The following RPL37 variants were observed in gnomAD, a reference collection of about 807,000 sequenced individuals.
RPL37 encodes the protein large ribosomal subunit protein eL37.
A neutral mutation model predicts 14.8 loss-of-function variants in RPL37; 1 was observed. The ratio of observed to expected loss-of-function variants is 0.07; its 90% CI spans 0.02 to 0.32. RPL37 has a LOEUF of 0.32. Among genes scored for constraint, RPL37 ranks in the 10% least tolerant of loss-of-function variants. The pLI, the probability that RPL37 is intolerant of heterozygous loss-of-function variation, is 1.00. For missense variants in RPL37, 100 were observed against 128.3 expected, an observed-to-expected ratio of 0.78 and a Z score of 1.06; for synonymous variants, 53 against 45.8, an observed-to-expected ratio of 1.16 and a Z score of -0.63.
In RPL37 at chr5:40,832,110, C is replaced by T; in HGVS notation, c.*394G>A. On this transcript the variant is annotated 3_prime_UTR_variant, in exon 4 of 4. Coordinates refer to ENST00000274242, the MANE Select transcript of RPL37 (RefSeq NM_000997.5). The stretch of plus-strand genomic sequence containing the variant: ...GCTCTATGTGACTAATAATCATCCC[C>T]CTAGTCATGACAGCATAGCAGATGA... 4.7e-6 allele frequency: 1 copy of T among 213,328 alleles called. No individual in the cohort carries two copies. Among genetic ancestry groups the T allele is most frequent in the Non-Finnish European group, 9.9e-6 (1 of 101,426 alleles). 13.2% of individuals were successfully genotyped at this position (213,328 alleles called of 1,614,324 possible). A position where few individuals can be genotyped will look rare whatever the true frequency, so the allele number is the denominator to read the frequency against.
chr5:40,832,955 TG>T (rs1337766639), intron 3 of RPL37, among the ~76,000 whole-genome samples: 1 of 152,272 alleles, frequency 6.6e-6, no homozygotes, highest in Non-Finnish European at 1.5e-5. Context: ...GCATGTTTAA[TG>T]GCAGACATTT....
At position 40,833,118 on chromosome 5, in the gene RPL37, A is replaced by G. The variant is rs564329855; in HGVS notation, c.225-545T>C. Among the ~76,000 whole-genome samples, 13 of 152,328 alleles carry G rather than the reference A, an allele frequency of 8.5e-5. No individual in the cohort carries two copies. The East Asian group carries it at 2.3e-3, about 27-fold the overall frequency. ...ATATTGTACTAACAGACCACTCAAC[A>G]TTAAGCCCACAAAAACGTTATGACC... On this transcript the variant is annotated intron_variant, in intron 3 of 3. Transcript: ENST00000274242.
intron 3 of RPL37, 198 bp from the exon 4 acceptor site, chr5:40,832,771 G>A (rs762705641): frequency 4.2e-5 from 29 of 695,376 alleles, no homozygotes; most frequent in South Asian, 2.4e-4. Context: ...ACCCATTTTC[G>A]GATATAGTTA....
Position 40,827,737 on chromosome 5 carries a change from T to C in RPL37, c.*4767A>G, listed in dbSNP as rs1251149792. 1 of 150,930 alleles carries C rather than the reference T, an allele frequency of 6.6e-6. No individual in the cohort carries two copies. Among genetic ancestry groups the C allele is most frequent in the Non-Finnish European group, 1.5e-5 (1 of 67,168 alleles). The allele number at this position is 150,930 out of a possible 1,614,324, so 9.3% of individuals were successfully genotyped here. A position where few individuals can be genotyped will look rare whatever the true frequency, so the allele number is the denominator to read the frequency against. On this transcript the variant is annotated 3_prime_UTR_variant, in exon 4 of 4. Coordinates refer to ENST00000274242, the MANE Select transcript of RPL37 (RefSeq NM_000997.5). ...GCTTAAGTCCTTCCTTTATCCTTTT[T>C]TTTTTTTGAGATGGAGTCTCGCTCT...
At chr5:40,834,845 A>G (rs1437490607) in intron 1 of RPL37, among the ~76,000 whole-genome samples, 1 of 152,234 alleles carries the variant, frequency 6.6e-6, no homozygotes, top group Non-Finnish European at 1.5e-5. Flanking sequence ...CTCCGGCCAG[A>G]GAGCATCACC....
rs1465780763 is a variant in RPL37, at chr5:40,826,317, G to T, written c.*6187C>A. ...CACAACCCAAAGAAAACATATCCAA[G>T]AACGTGGTCAGTTTTCAGTTTTTAT... On this transcript the variant is annotated 3_prime_UTR_variant, in exon 4 of 4. Coordinates refer to ENST00000274242, the MANE Select transcript of RPL37 (RefSeq NM_000997.5). 4 of 152,098 alleles carry T rather than the reference G, an allele frequency of 2.6e-5. No homozygotes were observed. The highest frequency in any genetic ancestry group is 5.9e-5 in the Non-Finnish European group (4 of 68,034). 9.4% of individuals were successfully genotyped at this position (152,098 alleles called of 1,614,324 possible). A position where few individuals can be genotyped will look rare whatever the true frequency, so the allele number is the denominator to read the frequency against.
In RPL37 at chr5:40,832,517, G is replaced by C; in HGVS notation, c.281C>G (p.Ser94Cys). Reference sequence around the variant, plus strand: ...TCGTTGACATTCTTAAGATGAACTGGATGCTGCAACAGCTGCCCTCTTGGG... The same window carrying C: ...TCGTTGACATTCTTAAGATGAACTGCATGCTGCAACAGCTGCCCTCTTGGG... ...PKPKRAAVAASSSS is the reference protein window; with the variant it reads ...PKPKRAAVAACSSS Residue 94 changes from serine to cysteine, a missense_variant, in exon 4 of 4, where the codon TCC becomes TGC. By Grantham distance (112) the Ser-to-Cys change is moderately radical. This residue lies in a region of RPL37 where 74 missense variants were observed against 69.9 expected (regional missense o/e 1.06). Transcript: ENST00000274242. 6.2e-7 allele frequency: 1 copy of C among 1,613,516 alleles called. No individual in the cohort carries two copies. The highest frequency in any genetic ancestry group is 1.1e-5 in the South Asian group (1 of 91,038).
Position 40,825,306 on chromosome 5 carries a change from ACT to A in RPL37, c.*7196_*7197del, listed in dbSNP as rs1317846573. 2.0e-5 allele frequency: 3 copies of A among 152,240 alleles called. No individual in the cohort carries two copies. The highest frequency in any genetic ancestry group is 2.1e-4 in the South Asian group (1 of 4,838). The allele number at this position is 152,240 out of a possible 1,614,324, so 9.4% of individuals were successfully genotyped here. On this transcript the variant is annotated 3_prime_UTR_variant, in exon 4 of 4. Coordinates refer to ENST00000274242, the MANE Select transcript of RPL37 (RefSeq NM_000997.5). ...TATTAAAGAAATGCATTCCAGCAAC[ACT>A]GTCAGCATCTTTATTACCAAAGAAA...
rs1306428758 is a variant in RPL37 at position 40,829,805 on chromosome 5, T to G, written c.*2699A>C. On this transcript the variant is annotated 3_prime_UTR_variant, in exon 4 of 4. Coordinates refer to ENST00000274242, the MANE Select transcript of RPL37 (RefSeq NM_000997.5). ...CTCCTGCCTCAGCCTCCCTAGTAGC[T>G]GGGATTACAGGCATGCACCACCACG... is the stretch of plus-strand genomic sequence containing the variant. 1.3e-5 allele frequency: 2 copies of G among 152,020 alleles called. No individual in the cohort carries two copies. The allele number at this position is 152,020 out of a possible 1,614,324, so 9.4% of individuals were successfully genotyped here.
At chr5:40,832,752 C>A (rs891544387) in intron 3 of RPL37, 179 bp from the exon 4 acceptor site, 1 of 733,822 alleles carries the variant, frequency 1.4e-6, no homozygotes, top group Non-Finnish European at 2.6e-6. Context: ...CTTCACTTTG[C>A]TTAAAGATAC....
chr5:40,835,152 G>C (rs367646938), intron 1 of RPL37, 31 bp downstream of exon 1: 41 of 1,613,864 alleles, frequency 2.5e-5, no homozygotes, highest in Non-Finnish European at 3.3e-5. Flanking sequence ...AGGATGGAAC[G>C]CGATTCACAA....
chr5:40,828,282 A>G lies in RPL37; in HGVS notation c.*4222T>C, dbSNP rs1266348109. 6.6e-6 allele frequency: 1 copy of G among 152,184 alleles called. No individual in the cohort carries two copies. Among genetic ancestry groups the G allele is most frequent in the Non-Finnish European group, 1.5e-5 (1 of 68,044 alleles). The allele number at this position is 152,184 out of a possible 1,614,324, so 9.4% of individuals were successfully genotyped here. ...CGCTCGTGGTATCCTTGTCTTACAC[A>G]CTTATCACTATCTGCAATTGTCTAT... is the stretch of plus-strand genomic sequence containing the variant. On this transcript the variant is annotated 3_prime_UTR_variant, in exon 4 of 4. Coordinates refer to ENST00000274242, the MANE Select transcript of RPL37 (RefSeq NM_000997.5).
intron 3 of RPL37, among the ~76,000 whole-genome samples, chr5:40,833,133 A>G (rs1745678584): frequency 6.6e-6 from 1 of 152,180 alleles, no homozygotes; most frequent in Non-Finnish European, 1.5e-5. Context: ...GCCCACAAAA[A>G]CGTTATGACC....
In RPL37 at chr5:40,831,840, C is replaced by T. The variant is rs29763; in HGVS notation, c.*664G>A. 2 of 152,446 alleles carry T rather than the reference C, an allele frequency of 1.3e-5. No homozygotes were observed. The highest frequency in any genetic ancestry group is 2.9e-5 in the Non-Finnish European group (2 of 68,144). The allele number at this position is 152,446 out of a possible 1,614,324, so 9.4% of individuals were successfully genotyped here. ...TAGTCTACAAATCTCAGGGATTATA[C>T]TTGATTTTCCTTTATTTCCTGCTCA... On this transcript the variant is annotated 3_prime_UTR_variant, in exon 4 of 4. Coordinates refer to ENST00000274242, the MANE Select transcript of RPL37 (RefSeq NM_000997.5).
Position 40,835,193 on chromosome 5 carries a change from C to G in RPL37, c.-8G>C, listed in dbSNP as rs1745739439. On this transcript the variant is annotated 5_prime_UTR_variant, in exon 1 of 4. Coordinates refer to ENST00000274242, the MANE Select transcript of RPL37 (RefSeq NM_000997.5). ...ACAGTCACAACTCACCATCTCGCTT[C>G]TGCGGCCGAGACCAGAAAGACCGGA... is the stretch of plus-strand genomic sequence containing the variant. The G allele has an allele frequency of 6.2e-7, 1 of 1,614,044 alleles. No individual in the cohort carries two copies. Among genetic ancestry groups the G allele is most frequent in the South Asian group, 1.1e-5 (1 of 91,086 alleles).
intron 1 of RPL37, among the ~76,000 whole-genome samples, 161 bp from the exon 2 acceptor site, chr5:40,834,767 G>C (rs967357227): frequency 1.5e-4 from 23 of 152,140 alleles, no homozygotes; most frequent in African/African-American, 4.8e-4. Context: ...ACCACTACCC[G>C]CATTTCACGT....
rs1188717477 is a variant in RPL37, at chr5:40,826,068, CTGT to C, written c.*6433_*6435del. On this transcript the variant is annotated 3_prime_UTR_variant, in exon 4 of 4. Coordinates refer to ENST00000274242, the MANE Select transcript of RPL37 (RefSeq NM_000997.5). ...TGAGGAAGCTGGCCTTTCTCCTGTA[CTGT>C]TTTACCAGTTGTCTTTTTAAAAAAT... 6.6e-6 allele frequency: 1 copy of C among 152,226 alleles called. No homozygotes were observed. Among genetic ancestry groups the C allele is most frequent in the Non-Finnish European group, 1.5e-5 (1 of 68,046 alleles). 9.4% of individuals were successfully genotyped at this position (152,226 alleles called of 1,614,324 possible).
In RPL37 at chr5:40,831,988, G is replaced by A. The variant is rs1745649776; in HGVS notation, c.*516C>T. On this transcript the variant is annotated 3_prime_UTR_variant, in exon 4 of 4. Transcript: ENST00000274242. The stretch of plus-strand genomic sequence containing the variant: ...CTTACACACAGCCCACAAGTCAGGT[G>A]TGCCAAGTGAGCATTACAGATACTA... 6.3e-6 allele frequency: 1 copy of A among 158,978 alleles called. No homozygotes were observed. 9.8% of individuals were successfully genotyped at this position (158,978 alleles called of 1,614,324 possible).
At chr5:40,834,910 G>A (rs1359971399) in intron 1 of RPL37, 2 of 610,328 alleles carry the variant, frequency 3.3e-6, no homozygotes, top group Non-Finnish European at 5.8e-6. Flanking sequence ...CCTTCCCTCG[G>A]CTCCCAACCA....
Sources: gnomAD v4.1 joint callset for allele counts (sites outside exome capture counted in the v4.1 genomes callset) on GRCh38, gnomAD v4.1.1 for gene constraint, gnomAD v4.1.1 regional missense constraint, MANE v1.5 for transcripts, NCBI Gene and HGNC (gene_info 2026-07-23, HGNC 2026-07-21) for gene names.